The following MTHFD1L variants were observed in gnomAD, a reference collection of about 807,000 sequenced individuals.
The protein encoded by MTHFD1L is methylenetetrahydrofolate dehydrogenase (NADP+ dependent) 1 like, also known as monofunctional C1-tetrahydrofolate synthase, mitochondrial.
A neutral mutation model predicts 119.5 loss-of-function variants in MTHFD1L; 81 were observed. The observed-to-expected ratio is 0.68, with a 90% CI of 0.57 to 0.82. MTHFD1L has a LOEUF of 0.82. Among genes scored for constraint, MTHFD1L ranks in the 40% least tolerant of loss-of-function variants. The probability of loss-of-function intolerance (pLI) is 0.00; values close to 1 mark genes in which losing one functional copy is unlikely to be tolerated. For missense variants in MTHFD1L, 1,125 were observed against 1,253.4 expected (o/e 0.90, Z 1.55); for synonymous variants, 430 against 475.2 (o/e 0.90, Z 1.24).
intron 11 of MTHFD1L, among the ~76,000 whole-genome samples, chr6:150,931,268 CTTTTTTTTTTT>C (rs370763551): frequency 8.1e-6 from 1 of 123,716 alleles, no homozygotes; most frequent in African/African-American, 2.8e-5. Flanking sequence ...ATCATTTCAT[CTTTTTTTTTTT>C]TTTTTTTTTT....
At chr6:151,017,492 G>A (rs889646737) in intron 24 of MTHFD1L, among the ~76,000 whole-genome samples, 59 of 151,874 alleles carry the variant, frequency 3.9e-4, no homozygotes, top group Admixed American at 9.8e-4. Flanking sequence ...GATTACAGGC[G>A]TGCACCACCA....
chr6:150,959,616 CTG>C (rs1796142277), intron 17 of MTHFD1L, among the ~76,000 whole-genome samples: 1 of 152,212 alleles, frequency 6.6e-6, no homozygotes, highest in Non-Finnish European at 1.5e-5. Flanking sequence ...AAAATTGAGT[CTG>C]TGCCACCAGT....
intron 2 of MTHFD1L, among the ~76,000 whole-genome samples, chr6:150,877,306 C>G (rs557277764): frequency 3.2e-4 from 48 of 152,288 alleles, no homozygotes; most frequent in African/African-American, 1.1e-3. Context: ...ACCGCCTCAG[C>G]CTTCTGCAGT....
intron 4 of MTHFD1L, among the ~76,000 whole-genome samples, chr6:150,879,245 AGTT>A (rs1412487020): frequency 6.6e-6 from 1 of 152,152 alleles, no homozygotes; most frequent in Admixed American, 6.5e-5. Context: ...ATGCAAAGGA[AGTT>A]GTTGTTCATT....
At position 150,898,581 on chromosome 6, in the gene MTHFD1L, G is replaced by C. The variant is rs185685569; in HGVS notation, c.781-7069G>C. ...AGACGCTGTATGGATGAAAGTTTGT[G>C]GCTGCAGCATGAGCATAAATCCTCG... On this transcript the variant is annotated intron_variant, in intron 7 of 27. Transcript: ENST00000367321. Among the ~76,000 whole-genome samples the C allele has an allele frequency of 2.0e-3, 302 of 152,316 alleles. 1 individual carries two copies. The highest frequency in any genetic ancestry group is 6.8e-3 in the African/African-American group (284 of 41,570).
chr6:150,868,551 C>T (rs890219959), intron 1 of MTHFD1L, among the ~76,000 whole-genome samples: 2 of 151,938 alleles, frequency 1.3e-5, no homozygotes, highest in Non-Finnish European at 2.9e-5. Context: ...GTTGGCCAGG[C>T]TGGTCTCAAA....
intron 11 of MTHFD1L, among the ~76,000 whole-genome samples, chr6:150,930,293 A>G (rs1790808336): frequency 6.6e-6 from 1 of 152,188 alleles, no homozygotes; most frequent in African/African-American, 2.4e-5. Context: ...TTTGTAATCT[A>G]AAGTGAAAAG....
At chr6:151,013,860 T>G in intron 22 of MTHFD1L, 40 bp downstream of exon 22, 1 of 1,562,658 alleles carries the variant, frequency 6.4e-7, no homozygotes, top group South Asian at 1.1e-5. Flanking sequence ...AAGAATCTCT[T>G]AAATCCAGTG....
intron 7 of MTHFD1L, among the ~76,000 whole-genome samples, chr6:150,894,800 G>A (rs1783948000): frequency 6.6e-6 from 1 of 152,212 alleles, no homozygotes; most frequent in Non-Finnish European, 1.5e-5. Flanking sequence ...CACGGAGCCT[G>A]AGCATGAAGA....
At chr6:151,012,019 C>CAACAACAACA (rs1340191391) in intron 21 of MTHFD1L, among the ~76,000 whole-genome samples, 1 of 58,826 alleles carries the variant, frequency 1.7e-5, no homozygotes, top group Non-Finnish European at 3.3e-5. Context: ...ACAACAACAA[C>CAACAACAACA]AAAAAAAAAA....
chr6:150,981,564 A>G (rs1217761484), intron 20 of MTHFD1L, among the ~76,000 whole-genome samples: 2 of 152,184 alleles, frequency 1.3e-5, no homozygotes, highest in Non-Finnish European at 2.9e-5. Context: ...TAATGAGGTC[A>G]CTGCACTTTT....
intron 21 of MTHFD1L, among the ~76,000 whole-genome samples, chr6:151,010,742 A>G (rs1209353719): frequency 2.7e-5 from 4 of 150,908 alleles, no homozygotes; most frequent in Non-Finnish European, 5.9e-5. Flanking sequence ...AGAATAAGAC[A>G]TTTTATACTG....
intron 26 of MTHFD1L, among the ~76,000 whole-genome samples, chr6:151,040,996 C>T (rs1405915428): frequency 6.6e-6 from 1 of 152,230 alleles, no homozygotes; most frequent in Admixed American, 6.5e-5. Flanking sequence ...GAAGTGAGCC[C>T]TCTGTGTCAT....
chr6:151,051,645 A>C lies in MTHFD1L; in HGVS notation c.2847+14528A>C, dbSNP rs146522534. On this transcript the variant is annotated intron_variant, in intron 26 of 27. Transcript: ENST00000367321. ...CACAAGGGAGTGAAAACCTGCTGCCATACCCCCCCAGAGGCAGCAGGATGT... is the reference window on the plus strand; with the variant it reads ...CACAAGGGAGTGAAAACCTGCTGCCCTACCCCCCCAGAGGCAGCAGGATGT... 6.9e-3 allele frequency among the ~76,000 whole-genome samples: 1,051 copies of C among 152,274 alleles called. 4 individuals carry two copies. Among genetic ancestry groups the C allele is most frequent in the Non-Finnish European group, 0.011 (741 of 68,006 alleles).
intron 7 of MTHFD1L, among the ~76,000 whole-genome samples, chr6:150,892,147 A>G (rs1347985225): frequency 1.3e-5 from 2 of 152,160 alleles, no homozygotes; most frequent in Non-Finnish European, 2.9e-5. Flanking sequence ...GAGCCCAGAA[A>G]TTTTGATTTG....
intron 16 of MTHFD1L, among the ~76,000 whole-genome samples, chr6:150,950,653 T>C (rs1374028445): frequency 6.6e-6 from 1 of 152,168 alleles, no homozygotes; most frequent in Non-Finnish European, 1.5e-5. Context: ...GATAGCTGTA[T>C]TGAGTAGAGT....
chr6:151,049,235 T>C (rs533120397), intron 26 of MTHFD1L, among the ~76,000 whole-genome samples: 70 of 152,312 alleles, frequency 4.6e-4, no homozygotes, highest in African/African-American at 1.7e-3. Context: ...CTGACGCCAG[T>C]AATCCCGGCA....
At chr6:151,047,145 A>G (rs1490432518) in intron 26 of MTHFD1L, among the ~76,000 whole-genome samples, 6 of 152,226 alleles carry the variant, frequency 3.9e-5, no homozygotes, top group Admixed American at 1.3e-4. Flanking sequence ...CATGATGCAT[A>G]TGAAACCAGT....
At chr6:151,049,763 G>T (rs1469675548) in intron 26 of MTHFD1L, among the ~76,000 whole-genome samples, 1 of 152,074 alleles carries the variant, frequency 6.6e-6, no homozygotes, top group Non-Finnish European at 1.5e-5. Flanking sequence ...ATTTACAGAG[G>T]TGTTATGATA....
Sources: gnomAD v4.1 joint callset for allele counts (sites outside exome capture counted in the v4.1 genomes callset) on GRCh38, gnomAD v4.1.1 for gene constraint, MANE v1.5 for transcripts, NCBI Gene and HGNC (gene_info 2026-07-23, HGNC 2026-07-21) for gene names.